Variants in MEF2C observed in about 807,000 individuals in gnomAD.
The protein encoded by MEF2C is myocyte-specific enhancer factor 2C.
Under a neutral mutation model 50.5 loss-of-function variants are expected in MEF2C, and 6 were observed. That is an observed-to-expected ratio of 0.12 (90% CI 0.07 to 0.23). The LOEUF (loss-of-function observed/expected upper bound fraction) is 0.23, where lower values mean the gene tolerates loss of function less well. MEF2C is among the 10% of genes least tolerant of loss of function. The pLI is 1.00. For missense variants in MEF2C, 276 were observed against 605.0 expected, an observed-to-expected ratio of 0.46 and a Z score of 5.70; for synonymous variants, 183 against 228.0, an observed-to-expected ratio of 0.80 and a Z score of 1.78.
At chr5:88,739,280 G>A in intron 6 of MEF2C, 3 of 983,624 alleles carry the variant, frequency 3.0e-6, no homozygotes, top group Non-Finnish European at 3.6e-6. Flanking sequence ...TGAACACACA[G>A]CTGGACCTCT....
intron 1 of MEF2C, among the ~76,000 whole-genome samples, chr5:88,897,725 A>AT (rs1835262326): frequency 6.6e-6 from 1 of 152,196 alleles, no homozygotes; most frequent in South Asian, 2.1e-4. Context: ...CAGACAATAC[A>AT]TTTTAAAAGG....
rs1388101066 is a variant in MEF2C, at chr5:88,761,588, C to A, written c.259-260G>T. ...GTATAAGGACTCAAGTTTCATGATA[C>A]AGAATTCTTACGTGCTTCAAATATC... is the stretch of plus-strand genomic sequence containing the variant. On this transcript the variant is annotated intron_variant, in intron 3 of 10. Transcript: ENST00000504921. 2.7e-5 allele frequency: 10 copies of A among 376,388 alleles called. No individual in the cohort carries two copies. In the East Asian group the frequency reaches 4.7e-4, roughly 18 times the overall value. The allele number at this position is 376,388 out of a possible 1,614,324, so 23.3% of individuals were successfully genotyped here. A position where few individuals can be genotyped will look rare whatever the true frequency, so the allele number is the denominator to read the frequency against.
At chr5:88,832,803 T>C (rs1261045513) in intron 1 of MEF2C, among the ~76,000 whole-genome samples, 2 of 152,204 alleles carry the variant, frequency 1.3e-5, no homozygotes, top group African/African-American at 4.8e-5. Flanking sequence ...TTCTTGTGAA[T>C]ATAAACAAAT....
chr5:88,723,046 G>A, intron 10 of MEF2C, 121 bp from the exon 11 acceptor site: 1 of 908,806 alleles, frequency 1.1e-6, no homozygotes, highest in Non-Finnish European at 1.6e-6. Flanking sequence ...CCAGAGTGAA[G>A]AAAACGTGCT....
At chr5:88,890,569 C>G (rs1834426501) in intron 1 of MEF2C, among the ~76,000 whole-genome samples, 1 of 152,266 alleles carries the variant, frequency 6.6e-6, no homozygotes, top group East Asian at 1.9e-4. Context: ...TAGTGGCTCC[C>G]TTACTGGACA....
rs1771294543 is a variant in MEF2C, at chr5:88,749,002, T to C, written c.637+68A>G. 3.9e-6 allele frequency: 6 copies of C among 1,550,012 alleles called. No homozygotes were observed. In the South Asian group the frequency reaches 6.0e-5, roughly 15 times the overall value. On this transcript the variant is annotated intron_variant, in intron 6 of 10. Coordinates refer to ENST00000504921, the MANE Select transcript of MEF2C (RefSeq NM_002397.5). Reference sequence around the variant, plus strand: ...AACTTTATTTGTTCAAAAGACTTTGTCCTGCAAATCACCTAGTAGAAGAAC... The same window carrying C: ...AACTTTATTTGTTCAAAAGACTTTGCCCTGCAAATCACCTAGTAGAAGAAC...
chr5:88,884,260 T>C (rs1833763086), upstream of MEF2C: 1 of 152,232 alleles, frequency 6.6e-6, no homozygotes, highest in Non-Finnish European at 1.5e-5. Flanking sequence ...CTTGTGACTT[T>C]TCCCCCTTTT....
intron 1 of MEF2C, 92 bp from the exon 2 acceptor site, chr5:88,824,022 T>C (rs1809722516): frequency 8.5e-7 from 1 of 1,181,860 alleles, no homozygotes. Context: ...AAATAAACTA[T>C]ATGGAGCTAA....
intron 2 of MEF2C, among the ~76,000 whole-genome samples, chr5:88,814,369 A>T (rs1804333492): frequency 6.6e-6 from 1 of 151,926 alleles, no homozygotes; most frequent in Non-Finnish European, 1.5e-5. Flanking sequence ...GGGGCCTGCC[A>T]TCGTAAATGA....
At chr5:88,864,149 T>G (rs76768696) in intron 1 of MEF2C, among the ~76,000 whole-genome samples, 60,745 of 122,292 alleles carry the variant, frequency 0.5, 13,019 homozygotes, top group East Asian at 0.52. Flanking sequence ...GTTTTTTTTT[T>G]TGTTTTTTTT....
intron 3 of MEF2C, among the ~76,000 whole-genome samples, chr5:88,793,892 G>T (rs540121293): frequency 2.6e-5 from 4 of 152,058 alleles, no homozygotes; most frequent in Non-Finnish European, 5.9e-5. Flanking sequence ...AGCACATGTG[G>T]TGTTTGGTTT....
intron 1 of MEF2C, among the ~76,000 whole-genome samples, chr5:88,894,086 A>G (rs1346708209): frequency 1.3e-5 from 2 of 152,234 alleles, no homozygotes; most frequent in Non-Finnish European, 2.9e-5. Flanking sequence ...CTAACATTTA[A>G]TGGCCACATA....
At chr5:88,777,829 C>CT (rs1785560797) in intron 3 of MEF2C, among the ~76,000 whole-genome samples, 1 of 150,130 alleles carries the variant, frequency 6.7e-6, no homozygotes, top group Admixed American at 6.7e-5. Context: ...TAGGTACTAT[C>CT]TATCTAGTTA....
intron 2 of MEF2C, among the ~76,000 whole-genome samples, chr5:88,810,881 C>G (rs1404083649): frequency 6.6e-6 from 1 of 152,032 alleles, no homozygotes; most frequent in Non-Finnish European, 1.5e-5. Context: ...ATATCCATAG[C>G]GCCTTCTACA....
upstream of MEF2C, chr5:88,883,198 A>C (rs1302998392): frequency 7.1e-6 from 1 of 141,178 alleles, no homozygotes; most frequent in Non-Finnish European, 1.6e-5. Flanking sequence ...CAGAGCGAGC[A>C]GAGAGCTGGA....
intron 3 of MEF2C, among the ~76,000 whole-genome samples, chr5:88,794,988 T>C (rs1795388425): frequency 6.6e-6 from 1 of 152,180 alleles, no homozygotes. Flanking sequence ...CTCTGTTCTG[T>C]TCCATTGGTC....
Position 88,761,337 on chromosome 5 carries a change from C to T in MEF2C, c.259-9G>A. ...CCCTTCTTTCTCAACGTCTGAAATA[C>T]ATAATTTGGAAAGTTCAAACCTAGA... On this transcript the variant is annotated splice_polypyrimidine_tract_variant and intron_variant, in intron 3 of 10. Transcript: ENST00000504921. 1.9e-6 allele frequency: 3 copies of T among 1,608,392 alleles called. No homozygotes were observed. The East Asian group carries it at 6.7e-5, about 36-fold the overall frequency.
chr5:88,744,567 T>C (rs1214178481), intron 6 of MEF2C, among the ~76,000 whole-genome samples: 1 of 152,174 alleles, frequency 6.6e-6, no homozygotes, highest in African/African-American at 2.4e-5. Flanking sequence ...AAAAAAGTTT[T>C]ATAGAGTTAT....
chr5:88,886,904 A>G (rs535275360), upstream of MEF2C, among the ~76,000 whole-genome samples: 1 of 152,276 alleles, frequency 6.6e-6, no homozygotes, highest in African/African-American at 2.4e-5. Context: ...TCCTCTCTTC[A>G]CTACTTCCCT....
Sources: gnomAD v4.1 joint callset for allele counts (sites outside exome capture counted in the v4.1 genomes callset) on GRCh38, gnomAD v4.1.1 for gene constraint, MANE v1.5 for transcripts, NCBI Gene and HGNC (gene_info 2026-07-23, HGNC 2026-07-21) for gene names.